The following LARGE1 variants were observed in gnomAD, a reference collection of about 807,000 sequenced individuals.
The protein encoded by LARGE1 is LARGE xylosyl- and glucuronyltransferase 1, also known as xylosyl- and glucuronyltransferase LARGE1.
In LARGE1, 43 loss-of-function variants were observed where a neutral mutation model predicts 87.6. That is an observed-to-expected ratio of 0.49 (90% confidence interval 0.38 to 0.63). LARGE1 has a LOEUF of 0.63. LARGE1 is among the 30% of genes least tolerant of loss of function. LARGE1 has a pLI of 0.00. For synonymous variants in LARGE1, 434 were observed against 394.6 expected (o/e 1.10, Z -1.18); for missense variants, 802 against 1,000.2 (o/e 0.80, Z 2.67).
the LARGE1 span, among the ~76,000 whole-genome samples, chr22:33,107,670 G>C: frequency 6.6e-5 from 10 of 152,168 alleles, no homozygotes; most frequent in African/African-American, 1.2e-4. Context: ...TTTGAGACCA[G>C]CCTGGGAAAC....
At chr22:33,636,538 A>G (rs558417293) in intron 3 of LARGE1, among the ~76,000 whole-genome samples, 1 of 152,226 alleles carries the variant, frequency 6.6e-6, no homozygotes, top group Admixed American at 6.5e-5. Flanking sequence ...TAAATGTGTC[A>G]ACTATTTATT....
At chr22:33,388,820 G>A (rs1251492794) in intron 7 of LARGE1, among the ~76,000 whole-genome samples, 1 of 151,566 alleles carries the variant, frequency 6.6e-6, no homozygotes, top group Non-Finnish European at 1.5e-5. Context: ...ACCCACCTCA[G>A]CCTCCCAAAA....
At chr22:33,096,560 G>GT in the LARGE1 span, among the ~76,000 whole-genome samples, 14 of 127,526 alleles carry the variant, frequency 1.1e-4, no homozygotes, top group South Asian at 5.1e-4. Context: ...GTTTGTTTTT[G>GT]TTTTTGTTTT....
chr22:33,842,970 C>G (rs1026294278), intron 1 of LARGE1, among the ~76,000 whole-genome samples: 2 of 150,504 alleles, frequency 1.3e-5, no homozygotes, highest in African/African-American at 4.9e-5. Context: ...ACCACAACAC[C>G]TACAGTTCTC....
At chr22:33,829,429 G>A (rs12053768) in intron 1 of LARGE1, among the ~76,000 whole-genome samples, 32,861 of 151,988 alleles carry the variant, frequency 0.22, 4,872 homozygotes, top group African/African-American at 0.42. Flanking sequence ...GCCACCTGAC[G>A]TATTTCATAC....
intron 2 of LARGE1, among the ~76,000 whole-genome samples, chr22:33,742,282 T>C (rs933822881): frequency 6.6e-6 from 1 of 152,160 alleles, no homozygotes; most frequent in Non-Finnish European, 1.5e-5. Flanking sequence ...AATGAGTTAA[T>C]CCAAGTAAAT....
rs779768449 is a variant in LARGE1 at position 33,273,494 on chromosome 22, G to A, written c.*933C>T. The A allele has an allele frequency of 1.5e-5, 6 of 398,702 alleles. No homozygotes were observed. Among genetic ancestry groups the A allele is most frequent in the Admixed American group, 4.4e-5 (1 of 22,740 alleles). The allele number at this position is 398,702 out of a possible 1,614,324, so 24.7% of individuals were successfully genotyped here. On this transcript the variant is annotated 3_prime_UTR_variant, in exon 15 of 15. Coordinates refer to ENST00000397394, the MANE Select transcript of LARGE1 (RefSeq NM_133642.5). ...TGTGCACTGAAGTAGTTCCTTCAAA[G>A]CCCTTTCCCATGAATCAGTCACTGC...
At chr22:33,733,080 C>T (rs540244320) in intron 2 of LARGE1, 1 of 152,328 alleles carries the variant, frequency 6.6e-6, no homozygotes, top group Non-Finnish European at 1.5e-5. Flanking sequence ...ATGAATTTGG[C>T]TTCATTCATC....
intron 3 of LARGE1, among the ~76,000 whole-genome samples, chr22:33,643,876 C>G (rs1380306932): frequency 6.6e-6 from 1 of 152,024 alleles, no homozygotes; most frequent in Non-Finnish European, 1.5e-5. Context: ...AAATCGAATC[C>G]CTGAATAGAC....
chr22:33,520,486 G>A (rs1342011525), intron 6 of LARGE1, among the ~76,000 whole-genome samples: 1 of 152,144 alleles, frequency 6.6e-6, no homozygotes, highest in African/African-American at 2.4e-5. Flanking sequence ...AAGCACGGGA[G>A]GGGACTCTGA....
chr22:33,568,463 C>T (rs1384223766), intron 5 of LARGE1, among the ~76,000 whole-genome samples: 1 of 152,110 alleles, frequency 6.6e-6, no homozygotes, highest in Non-Finnish European at 1.5e-5. Flanking sequence ...TGAACAACAA[C>T]AAAATCAAAG....
chr22:33,825,786 C>T (rs554850036), intron 1 of LARGE1, among the ~76,000 whole-genome samples: 1 of 152,278 alleles, frequency 6.6e-6, no homozygotes, highest in Non-Finnish European at 1.5e-5. Flanking sequence ...CCCACTGTGG[C>T]TTTTTCCCAC....
chr22:33,501,602 C>T (rs989663448), intron 6 of LARGE1, among the ~76,000 whole-genome samples: 2 of 152,152 alleles, frequency 1.3e-5, no homozygotes, highest in Non-Finnish European at 2.9e-5. Flanking sequence ...AGGAAATGAT[C>T]CAAGTCGTTC....
chr22:33,593,503 G>A (rs2078900696), intron 5 of LARGE1, among the ~76,000 whole-genome samples: 1 of 152,166 alleles, frequency 6.6e-6, no homozygotes, highest in East Asian at 1.9e-4. Context: ...CACAGAAGCT[G>A]AGGCGGGATT....
chr22:33,706,604 G>C (rs1456965585), intron 2 of LARGE1, among the ~76,000 whole-genome samples: 1 of 152,200 alleles, frequency 6.6e-6, no homozygotes, highest in Non-Finnish European at 1.5e-5. Context: ...CCTTCTGGAA[G>C]GGGATGGAAG....
intron 5 of LARGE1, among the ~76,000 whole-genome samples, chr22:33,598,660 G>C (rs547091327): frequency 2.0e-5 from 3 of 152,236 alleles, no homozygotes; most frequent in South Asian, 4.1e-4. Context: ...TGCTGAGAAT[G>C]ATGGTTTCCA....
rs112008809 is a variant in LARGE1 at position 33,380,587 on chromosome 22, G to T, written c.1131+1332C>A. ...GATATGATGTTCATTAACACCATGT[G>T]GCTCACCCAGAAAATGCTTATGATA... On this transcript the variant is annotated intron_variant, in intron 9 of 14. Transcript: ENST00000397394. Among the ~76,000 whole-genome samples, 614 of 152,236 alleles carry T rather than the reference G, an allele frequency of 4.0e-3. 3 individuals are homozygous for T. The highest frequency in any genetic ancestry group is 0.014 in the African/African-American group (592 of 41,538).
chr22:33,108,069 C>T, the LARGE1 span, among the ~76,000 whole-genome samples: 1 of 151,976 alleles, frequency 6.6e-6, no homozygotes, highest in Non-Finnish European at 1.5e-5. Flanking sequence ...GCTATATAAC[C>T]ACCAATCAGG....
intron 2 of LARGE1, among the ~76,000 whole-genome samples, chr22:33,712,637 AGTGTGTGTGTGTGTGTGTGTGTGTGTGT>A (rs34754283): frequency 1.5e-5 from 2 of 134,636 alleles, no homozygotes; most frequent in Non-Finnish European, 3.2e-5. Context: ...TGAGGGGTAC[AGTGTGTGTGTGTGTGTGTGTGTGTGTGT>A]GTGTGTGTGT....
Sources: gnomAD v4.1 joint callset for allele counts (sites outside exome capture counted in the v4.1 genomes callset) on GRCh38, gnomAD v4.1.1 for gene constraint, MANE v1.5 for transcripts, NCBI Gene and HGNC (gene_info 2026-07-23, HGNC 2026-07-21) for gene names.